OLFM2: variants seen among roughly 807,000 people sequenced by gnomAD.
OLFM2 encodes the protein noelin-2.
In OLFM2, 20 loss-of-function variants were observed where a neutral mutation model predicts 43.9. The ratio of observed to expected loss-of-function variants is 0.46; its 90% CI spans 0.32 to 0.66. The LOEUF is 0.66. Among genes scored for constraint, OLFM2 ranks in the 30% least tolerant of loss-of-function variants. The probability of loss-of-function intolerance (pLI) is 0.04; values close to 1 mark genes in which losing one functional copy is unlikely to be tolerated. For synonymous variants in OLFM2, 268 were observed against 278.6 expected (o/e 0.96, Z 0.38); for missense variants, 416 against 643.6 (o/e 0.65, Z 3.83).
At chr19:9,866,132 G>A (rs781299624) in intron 1 of OLFM2, among the ~76,000 whole-genome samples, 5 of 152,196 alleles carry the variant, frequency 3.3e-5, no homozygotes, top group Non-Finnish European at 5.9e-5. Flanking sequence ...GCATCTCACC[G>A]GAGTGTTCTC....
At chr19:9,920,890 G>A (rs1359932895) in intron 1 of OLFM2, among the ~76,000 whole-genome samples, 1 of 151,450 alleles carries the variant, frequency 6.6e-6, no homozygotes, top group Admixed American at 6.6e-5. Context: ...CTGGGCAACA[G>A]AGTGAGACTC....
chr19:9,870,878 T>C (rs1658660634), intron 1 of OLFM2, among the ~76,000 whole-genome samples: 1 of 150,016 alleles, frequency 6.7e-6, no homozygotes, highest in African/African-American at 2.5e-5. Flanking sequence ...TGTCTCAAAA[T>C]AAATAAATAA....
intron 1 of OLFM2, among the ~76,000 whole-genome samples, chr19:9,894,069 G>T (rs2046660601): frequency 6.6e-6 from 1 of 151,976 alleles, no homozygotes; most frequent in Admixed American, 6.6e-5. Context: ...AAGGCGGATG[G>T]ATCACTTGAG....
In OLFM2 at chr19:9,854,717, C is replaced by G. The variant is rs1483711941; in HGVS notation, c.834G>C (p.Leu278=). The change falls in exon 6 of 6, where the codon CTG becomes CTC. Residue 278 remains leucine, a synonymous_variant. Transcript: ENST00000264833. This position sits in a 1 kb window ranked among gnomAD's most constrained non-coding sequence, Gnocchi z 9.5. ...GTGHVVYNGS[L]FYNKYQSNVV... is the part of the protein sequence containing the mutation. Reference sequence around the variant, plus strand: ...CGTTGCTCTGGTACTTGTTATAGAACAGGGAGCCGTTGTACACCACGTGGC... The same window carrying G: ...CGTTGCTCTGGTACTTGTTATAGAAGAGGGAGCCGTTGTACACCACGTGGC... 3.7e-6 allele frequency: 6 copies of G among 1,614,090 alleles called. No homozygotes were observed. The Admixed American group carries it at 5.0e-5, about 13-fold the overall frequency.
At chr19:9,862,988 C>CAAA (rs33975846) in intron 1 of OLFM2, among the ~76,000 whole-genome samples, 7 of 135,728 alleles carry the variant, frequency 5.2e-5, no homozygotes, top group East Asian at 2.1e-4. Context: ...AACTCTGTCT[C>CAAA]AAAAAAAAAA....
chr19:9,869,621 T>C (rs1280744995), intron 1 of OLFM2, among the ~76,000 whole-genome samples: 2 of 152,136 alleles, frequency 1.3e-5, no homozygotes, highest in African/African-American at 2.4e-5. Flanking sequence ...AATACTATTA[T>C]TTTTATTTTT....
At chr19:9,867,773 A>C (rs1031518726) in intron 1 of OLFM2, among the ~76,000 whole-genome samples, 5 of 152,222 alleles carry the variant, frequency 3.3e-5, no homozygotes, top group African/African-American at 1.2e-4. Context: ...GCCAATCCAA[A>C]GCTAAGAATT....
intron 1 of OLFM2, among the ~76,000 whole-genome samples, chr19:9,863,616 A>G (rs929802): frequency 0.97 from 147,879 of 151,916 alleles, 72,256 homozygotes; most frequent in Middle Eastern, 1. Flanking sequence ...TTGCACAGCC[A>G]TTACTAGATC....
chr19:9,885,634 G>A (rs1019122286), intron 1 of OLFM2, among the ~76,000 whole-genome samples: 21 of 152,176 alleles, frequency 1.4e-4, no homozygotes, highest in African/African-American at 4.6e-4. Flanking sequence ...GGCAGCTAAT[G>A]ACTGATGCAG....
In OLFM2 at chr19:9,855,301, C is replaced by T. The variant is rs1009040170; in HGVS notation, c.688-438G>A. On this transcript the variant is annotated intron_variant, in intron 5 of 5. Coordinates refer to ENST00000264833, the MANE Select transcript of OLFM2 (RefSeq NM_058164.4). ...TGTTGCCCAGGCTGGAGTACAGTGG[C>T]GTGATCTCAGCTCACTGCAACCTCC... Among the ~76,000 whole-genome samples the T allele has an allele frequency of 1.7e-4, 25 of 147,370 alleles. No homozygotes were observed. The East Asian group carries it at 4.6e-3, about 27-fold the overall frequency.
chr19:9,914,555 C>T (rs887078290), intron 1 of OLFM2, among the ~76,000 whole-genome samples: 1 of 151,958 alleles, frequency 6.6e-6, no homozygotes, highest in Non-Finnish European at 1.5e-5. Flanking sequence ...ACCACGGAGA[C>T]CTGGCACGCG....
intron 1 of OLFM2, among the ~76,000 whole-genome samples, chr19:9,927,290 TATAA>T (rs1192680151): frequency 2.6e-5 from 4 of 151,750 alleles, no homozygotes; most frequent in Non-Finnish European, 4.4e-5. Flanking sequence ...TCGAAAAAAA[TATAA>T]ATAAATAAAT....
intron 1 of OLFM2, among the ~76,000 whole-genome samples, chr19:9,863,673 T>C (rs772453582): frequency 1.3e-5 from 2 of 151,832 alleles, no homozygotes; most frequent in Non-Finnish European, 2.9e-5. Flanking sequence ...TAAACCAAGC[T>C]GTGAATTATG....
intron 1 of OLFM2, among the ~76,000 whole-genome samples, chr19:9,866,144 G>A (rs960965353): frequency 6.6e-6 from 1 of 152,210 alleles, no homozygotes; most frequent in Non-Finnish European, 1.5e-5. Context: ...AGTGTTCTCT[G>A]CAGCAGTGTA....
intron 1 of OLFM2, among the ~76,000 whole-genome samples, chr19:9,930,545 G>T (rs2086476282): frequency 6.6e-6 from 1 of 152,048 alleles, no homozygotes. Context: ...GACAGAACAA[G>T]ACCCCGTCTT....
rs193148395 is a variant in OLFM2 at position 9,918,400 on chromosome 19, C to T, written c.63+17904G>A. 1.1e-4 allele frequency among the ~76,000 whole-genome samples: 17 copies of T among 152,098 alleles called. No individual in the cohort carries two copies. In the East Asian group the frequency reaches 2.3e-3, roughly 21 times the overall value. On this transcript the variant is annotated intron_variant, in intron 1 of 5. Coordinates refer to ENST00000264833, the MANE Select transcript of OLFM2 (RefSeq NM_058164.4). ...AGAGATGGGGTCTCACTATGTTGCC[C>T]GGGCTGGTCTCAAACTCTTGGGCTC...
At chr19:9,879,451 G>C (rs559913575) in intron 1 of OLFM2, among the ~76,000 whole-genome samples, 1 of 152,078 alleles carries the variant, frequency 6.6e-6, no homozygotes, top group East Asian at 1.9e-4. Context: ...TTGTTTAAAC[G>C]TGTGTAGCAC....
intron 1 of OLFM2, among the ~76,000 whole-genome samples, chr19:9,877,332 A>G (rs867243671): frequency 8.6e-5 from 13 of 151,840 alleles, no homozygotes; most frequent in African/African-American, 2.9e-4. Context: ...TCAGGAGTTC[A>G]AGACCAGCCT....
At chr19:9,868,386 T>C (rs2046418613) in intron 1 of OLFM2, among the ~76,000 whole-genome samples, 1 of 151,974 alleles carries the variant, frequency 6.6e-6, no homozygotes, top group African/African-American at 2.4e-5. Context: ...AAAAGATTTT[T>C]TGTAGAAACA....
Sources: gnomAD v4.1 joint callset for allele counts (sites outside exome capture counted in the v4.1 genomes callset) on GRCh38, gnomAD v4.1.1 for gene constraint, Gnocchi (gnomAD v3.1) non-coding constraint, MANE v1.5 for transcripts, NCBI Gene and HGNC (gene_info 2026-07-23, HGNC 2026-07-21) for gene names.